Variants in TANC1 observed in about 807,000 individuals in gnomAD.
TANC1 encodes tetratricopeptide repeat, ankyrin repeat and coiled-coil containing 1, also known as protein TANC1.
In TANC1, 77 loss-of-function variants were observed where a neutral mutation model predicts 149.7. The observed-to-expected ratio is 0.51, with a 90% CI of 0.43 to 0.62. The LOEUF is 0.62. Among genes scored for constraint, TANC1 ranks in the 20% least tolerant of loss-of-function variants. TANC1 has a pLI of 0.00. For synonymous variants in TANC1, 854 were observed against 925.0 expected, an observed-to-expected ratio of 0.92 and a Z score of 1.39; for missense variants, 1,985 against 2,321.8, an observed-to-expected ratio of 0.85 and a Z score of 2.98.
At chr2:159,019,220 C>A (rs1172321942) in intron 2 of TANC1, among the ~76,000 whole-genome samples, 1 of 152,166 alleles carries the variant, frequency 6.6e-6, no homozygotes, top group South Asian at 2.1e-4. Context: ...GCAAGGTGCA[C>A]TGGGCTGGGG....
chr2:158,996,961 C>T (rs1438591606), intron 1 of TANC1, among the ~76,000 whole-genome samples: 1 of 149,434 alleles, frequency 6.7e-6, no homozygotes, highest in South Asian at 2.1e-4. Context: ...GGGAGTGGGG[C>T]ACTGAGATGC....
At chr2:159,088,050 G>A (rs1394359216) in intron 3 of TANC1, among the ~76,000 whole-genome samples, 2 of 151,398 alleles carry the variant, frequency 1.3e-5, no homozygotes, top group African/African-American at 4.9e-5. Context: ...AGAGATCATG[G>A]CCTTGCCTGA....
chr2:159,134,142 A>G (rs2050404095), intron 4 of TANC1, among the ~76,000 whole-genome samples: 1 of 152,136 alleles, frequency 6.6e-6, no homozygotes, highest in South Asian at 2.1e-4. Context: ...GGCTAAGAAG[A>G]GGGGATAGTT....
chr2:159,087,440 T>C (rs917215073), intron 3 of TANC1, among the ~76,000 whole-genome samples: 1 of 150,780 alleles, frequency 6.6e-6, no homozygotes, highest in African/African-American at 2.4e-5. Flanking sequence ...CCTCAAGTTT[T>C]GTAGATGTTG....
chr2:158,981,704 T>C (rs968733421), intron 1 of TANC1, among the ~76,000 whole-genome samples: 4 of 151,368 alleles, frequency 2.6e-5, no homozygotes, highest in Non-Finnish European at 4.4e-5. Flanking sequence ...CATGTGTCTC[T>C]TGGGTAAAGT....
At chr2:159,122,257 A>T (rs1301413897) in intron 4 of TANC1, among the ~76,000 whole-genome samples, 1 of 152,068 alleles carries the variant, frequency 6.6e-6, no homozygotes, top group Non-Finnish European at 1.5e-5. Flanking sequence ...AAATAGTGAA[A>T]AATTAGGGCT....
At chr2:159,144,828 G>C (rs1023882134) in intron 5 of TANC1, among the ~76,000 whole-genome samples, 4 of 152,196 alleles carry the variant, frequency 2.6e-5, no homozygotes, top group African/African-American at 9.7e-5. Context: ...TAAGTGAGAA[G>C]CAGGTCATGG....
chr2:159,222,744 G>A (rs1012320355), intron 22 of TANC1, among the ~76,000 whole-genome samples: 6 of 152,066 alleles, frequency 3.9e-5, no homozygotes, highest in Admixed American at 3.9e-4. Context: ...AGTTCTTTGG[G>A]GTATATATCC....
In TANC1 at chr2:159,186,950, T is replaced by C; in HGVS notation, c.2668T>C (p.Trp890Arg). ...GISSSHLQAL[W>R]IGYSTEGLSA... ...TTCTTCAAGCCATCTCCAAGCCCTG[T>C]GGATCGGCTACAGCACCGAGGGGCT... Residue 890 changes from tryptophan (W) to arginine (R), a missense_variant, in exon 16 of 27, where the codon TGG becomes CGG. Around this residue, in one of 3 missense-constraint regions of TANC1, gnomAD observed 508 missense variants for 714.2 expected, o/e 0.71. Transcript: ENST00000263635. The C allele has an allele frequency of 6.2e-7, 1 of 1,614,216 alleles. No homozygotes were observed. Among genetic ancestry groups the C allele is most frequent in the Non-Finnish European group, 8.5e-7 (1 of 1,180,018 alleles).
intron 1 of TANC1, among the ~76,000 whole-genome samples, chr2:158,992,807 A>T (rs892228543): frequency 2.0e-5 from 3 of 151,258 alleles, no homozygotes; most frequent in African/African-American, 4.9e-5. Context: ...GGCATGAGCC[A>T]CCGCTCCCGG....
chr2:159,134,182 C>T (rs77590186), intron 4 of TANC1, among the ~76,000 whole-genome samples: 344 of 152,328 alleles, frequency 2.3e-3, no homozygotes, highest in African/African-American at 7.9e-3. Context: ...TCTTCTACTA[C>T]CCCTTCTCTT....
intron 22 of TANC1, 86 bp from the exon 23 acceptor site, chr2:159,224,146 G>T: frequency 6.7e-7 from 1 of 1,496,208 alleles, no homozygotes; most frequent in Non-Finnish European, 9.2e-7. Context: ...AAATCAGAGT[G>T]AAGCTAAGAC....
intron 2 of TANC1, among the ~76,000 whole-genome samples, chr2:159,006,843 C>T (rs139607810): frequency 0.013 from 1,964 of 152,242 alleles, 20 homozygotes; most frequent in Middle Eastern, 0.061. Flanking sequence ...CCCTGGCCAT[C>T]TGTCTAAAAA....
intron 20 of TANC1, 86 bp from the exon 21 acceptor site, chr2:159,219,152 T>C: frequency 6.5e-7 from 1 of 1,545,280 alleles, no homozygotes; most frequent in Non-Finnish European, 8.9e-7. Context: ...ATTTGACTAT[T>C]TTTAAAGGTT....
At chr2:159,170,039 A>G (rs1306729422) in intron 9 of TANC1, among the ~76,000 whole-genome samples, 1 of 151,862 alleles carries the variant, frequency 6.6e-6, no homozygotes, top group Non-Finnish European at 1.5e-5. Flanking sequence ...TTCTCTGTCT[A>G]CCTGTAACAC....
At chr2:159,136,853 AT>A (rs2050814557) in intron 5 of TANC1, among the ~76,000 whole-genome samples, 1 of 149,702 alleles carries the variant, frequency 6.7e-6, no homozygotes, top group African/African-American at 2.4e-5. Context: ...ATGTATATGT[AT>A]TTTATACCTG....
intron 1 of TANC1, among the ~76,000 whole-genome samples, chr2:158,987,448 A>C (rs1203843266): frequency 1.3e-5 from 2 of 151,926 alleles, no homozygotes; most frequent in Non-Finnish European, 2.9e-5. Context: ...GGATCGCTTG[A>C]GCCCAGAAGG....
Position 159,175,009 on chromosome 2 carries a change from G to A in TANC1, c.1560G>A (p.Glu520=). The A allele has an allele frequency of 6.2e-7, 1 of 1,614,196 alleles. No homozygotes were observed. ...ADNTYTCLVP[E]FVHSIAALLC... ...ACACGTACACTTGCCTGGTGCCCGA[G>A]TTTGTGCACAGCATCGCAGCTTTGC... Residue 520 remains glutamate, a synonymous_variant, in exon 12 of 27, where the codon GAG becomes GAA. Coordinates refer to ENST00000263635, the MANE Select transcript of TANC1 (RefSeq NM_033394.3).
chr2:159,193,206 A>G (rs2057589304), intron 16 of TANC1, among the ~76,000 whole-genome samples: 1 of 152,178 alleles, frequency 6.6e-6, no homozygotes, highest in Admixed American at 6.5e-5. Flanking sequence ...TCTCATAAGT[A>G]GTTTCACTCA....
Sources: gnomAD v4.1 joint callset for allele counts (sites outside exome capture counted in the v4.1 genomes callset) on GRCh38, gnomAD v4.1.1 for gene constraint, gnomAD v4.1.1 regional missense constraint, MANE v1.5 for transcripts, NCBI Gene and HGNC (gene_info 2026-07-23, HGNC 2026-07-21) for gene names.